SUMF1: variants seen among roughly 807,000 people sequenced by gnomAD.
The protein encoded by SUMF1 is formylglycine-generating enzyme.
Under a neutral mutation model 47.6 loss-of-function variants are expected in SUMF1, and 48 were observed. That is an observed-to-expected ratio of 1.01 (90% CI 0.80 to 1.28). The LOEUF is 1.28. Ranked by LOEUF, SUMF1 falls within the 50% of genes most tolerant of loss-of-function variation. The pLI is 0.00. For missense variants in SUMF1, 571 were observed against 485.4 expected (o/e 1.18, Z -1.66); for synonymous variants, 230 against 192.1 (o/e 1.20, Z -1.63).
chr3:4,224,164 G>A (rs918234221), intron 8 of SUMF1, among the ~76,000 whole-genome samples: 1 of 152,090 alleles, frequency 6.6e-6, no homozygotes, highest in South Asian at 2.1e-4. Flanking sequence ...CCTATGAGCA[G>A]AGCCCAGTGG....
intron 8 of SUMF1, among the ~76,000 whole-genome samples, chr3:4,240,435 G>A (rs1480226314): frequency 6.6e-6 from 1 of 151,980 alleles, no homozygotes; most frequent in Admixed American, 6.6e-5. Flanking sequence ...TAAAGTTTGT[G>A]ATGGTAATAA....
chr3:4,163,063 T>A (rs1694615023), intron 8 of SUMF1, among the ~76,000 whole-genome samples: 1 of 151,340 alleles, frequency 6.6e-6, no homozygotes, highest in South Asian at 2.1e-4. Context: ...CCAGTATGGA[T>A]CAAAAATGTA....
intron 3 of SUMF1, among the ~76,000 whole-genome samples, chr3:4,427,604 T>C (rs1024724367): frequency 2.6e-5 from 4 of 152,222 alleles, no homozygotes; most frequent in African/African-American, 7.2e-5. Context: ...ATAGACTGCA[T>C]GGGAGAGAAA....
intron 8 of SUMF1, among the ~76,000 whole-genome samples, chr3:4,093,358 C>T (rs1692828885): frequency 6.6e-6 from 1 of 151,948 alleles, no homozygotes; most frequent in Admixed American, 6.6e-5. Context: ...AAGTGCTGGC[C>T]ACAAAAACTC....
chr3:4,250,800 A>G (rs1403706490), intron 8 of SUMF1, among the ~76,000 whole-genome samples: 1 of 152,212 alleles, frequency 6.6e-6, no homozygotes, highest in Non-Finnish European at 1.5e-5. Context: ...TTTACTGGAT[A>G]TTTAAGCCCA....
chr3:4,047,649 C>T (rs563221473), intron 9 of SUMF1, among the ~76,000 whole-genome samples: 2 of 152,128 alleles, frequency 1.3e-5, no homozygotes, highest in African/African-American at 4.8e-5. Context: ...TAAGGAGATG[C>T]ACCTCATTAG....
intron 8 of SUMF1, among the ~76,000 whole-genome samples, chr3:4,233,076 C>T (rs973460812): frequency 6.6e-6 from 1 of 152,054 alleles, no homozygotes; most frequent in Non-Finnish European, 1.5e-5. Context: ...GCCAGGTTTT[C>T]AATAGTGAAT....
chr3:4,290,512 ATTTTAAG>A (rs1697718443), intron 8 of SUMF1, among the ~76,000 whole-genome samples: 1 of 152,194 alleles, frequency 6.6e-6, no homozygotes, highest in Non-Finnish European at 1.5e-5. Context: ...GCCAAAGCAC[ATTTTAAG>A]AACGAGAAGG....
intron 3 of SUMF1, among the ~76,000 whole-genome samples, chr3:4,447,400 GTCTT>G (rs1410845139): frequency 1.3e-5 from 2 of 152,088 alleles, no homozygotes; most frequent in Admixed American, 6.5e-5. Flanking sequence ...CAAGATTCAG[GTCTT>G]TCTTTCTAAC....
Position 4,283,253 on chromosome 3 carries a change from A to G in SUMF1, c.1014+93077T>C, listed in dbSNP as rs1697564381. 2.0e-5 allele frequency among the ~76,000 whole-genome samples: 3 copies of G among 152,336 alleles called. No homozygotes were observed. In the South Asian group the frequency reaches 6.2e-4, roughly 32 times the overall value. On this transcript the variant is annotated intron_variant and NMD_transcript_variant, in intron 8 of 12. Coordinates refer to the SUMF1 transcript ENST00000448413. ...AATGAAGCACAGAAAACCTTGTGAA[A>G]AGGAATTTTCAAATGCCCATTTGTA...
At chr3:4,313,546 C>G (rs1430601624) in intron 8 of SUMF1, 1 of 1,614,014 alleles carries the variant, frequency 6.2e-7, no homozygotes, top group Non-Finnish European at 8.5e-7. Flanking sequence ...ATATCTTAAT[C>G]TAACAGTCAG....
chr3:4,218,758 G>C (rs1388374459), intron 8 of SUMF1, among the ~76,000 whole-genome samples: 1 of 152,120 alleles, frequency 6.6e-6, no homozygotes, highest in Non-Finnish European at 1.5e-5. Context: ...TTGAAAACTA[G>C]ACTAACTATG....
intron 8 of SUMF1, among the ~76,000 whole-genome samples, chr3:4,228,119 A>G (rs751473442): frequency 6.6e-6 from 1 of 152,034 alleles, no homozygotes; most frequent in African/African-American, 2.4e-5. Flanking sequence ...GGAGAGAGGT[A>G]GTTGGGGTTG....
intron 8 of SUMF1, among the ~76,000 whole-genome samples, chr3:4,289,797 T>C (rs1384758738): frequency 6.6e-6 from 1 of 152,214 alleles, no homozygotes; most frequent in East Asian, 1.9e-4. Flanking sequence ...CCTAGCACAA[T>C]GGCCAACACA....
intron 9 of SUMF1, among the ~76,000 whole-genome samples, chr3:4,046,145 C>T (rs1695002869): frequency 6.6e-6 from 1 of 152,138 alleles, no homozygotes; most frequent in Non-Finnish European, 1.5e-5. Context: ...GGAACCTACT[C>T]CAAATTCTAG....
Position 4,376,543 on chromosome 3 carries a change from G to C in SUMF1, c.955-154C>G, listed in dbSNP as rs534002625. The stretch of plus-strand genomic sequence containing the variant: ...CCTAGGCTTTGTATCTGTATTCGTG[G>C]GCTCTCCCAAATGCTCACCTCCCCA... On this transcript the variant is annotated intron_variant, in intron 7 of 8. Coordinates refer to ENST00000272902, the MANE Select transcript of SUMF1 (RefSeq NM_182760.4). Among the ~76,000 whole-genome samples, 17 of 152,144 alleles carry C rather than the reference G, an allele frequency of 1.1e-4. 2 individuals are homozygous for C. The highest frequency in any genetic ancestry group is 9.8e-4 in the Admixed American group (15 of 15,276).
intron 8 of SUMF1, among the ~76,000 whole-genome samples, chr3:4,134,431 A>C (rs1693870853): frequency 6.6e-6 from 1 of 152,168 alleles, no homozygotes; most frequent in Admixed American, 6.5e-5. Flanking sequence ...GAGAACAAAG[A>C]TACAACATAC....
chr3:4,451,022 C>A (rs963335982), intron 2 of SUMF1, among the ~76,000 whole-genome samples: 2 of 151,562 alleles, frequency 1.3e-5, no homozygotes, highest in Admixed American at 6.6e-5. Context: ...AGCTCCTTGG[C>A]AGTATGGTGA....
chr3:4,464,210 CTTG>C (rs1163062173), intron 1 of SUMF1, among the ~76,000 whole-genome samples: 2 of 152,168 alleles, frequency 1.3e-5, no homozygotes, highest in Non-Finnish European at 2.9e-5. Context: ...TTGGAATGTC[CTTG>C]AATCTGGAAT....
Sources: gnomAD v4.1 joint callset for allele counts (sites outside exome capture counted in the v4.1 genomes callset) on GRCh38, gnomAD v4.1.1 for gene constraint, MANE v1.5 for transcripts, NCBI Gene and HGNC (gene_info 2026-07-23, HGNC 2026-07-21) for gene names.